Variants in CTNNA2 observed in about 807,000 individuals in gnomAD.
CTNNA2 encodes the protein catenin alpha 2.
In CTNNA2, 42 loss-of-function variants were observed where a neutral mutation model predicts 101.0. The observed-to-expected ratio is 0.42, with a 90% CI of 0.32 to 0.54. The LOEUF is 0.54. CTNNA2 is among the 20% of genes least tolerant of loss of function. The pLI is 0.14. For missense variants in CTNNA2, 871 were observed against 1,223.1 expected, an observed-to-expected ratio of 0.71 and a Z score of 4.29; for synonymous variants, 450 against 456.4, an observed-to-expected ratio of 0.99 and a Z score of 0.18.
At position 79,445,739 on chromosome 2, in the gene CTNNA2, C is replaced by T. The variant is rs113662415; in HGVS notation, c.-134-59315C>T. Among the ~76,000 whole-genome samples, 730 of 152,204 alleles carry T rather than the reference C, an allele frequency of 4.8e-3. 7 individuals carry two copies. Among genetic ancestry groups the T allele is most frequent in the African/African-American group, 0.016 (670 of 41,538 alleles). Reference sequence around the variant, plus strand: ...CCTTGCCCATGATTGTACCTGCCCCCATAGCCCCTTTCACAACTCCTGTGT... The same window carrying T: ...CCTTGCCCATGATTGTACCTGCCCCTATAGCCCCTTTCACAACTCCTGTGT... On this transcript the variant is annotated intron_variant, in intron 4 of 21. Transcript: ENST00000466387.
At chr2:80,438,221 C>T (rs1001873900) in intron 9 of CTNNA2, among the ~76,000 whole-genome samples, 3 of 152,122 alleles carry the variant, frequency 2.0e-5, no homozygotes, top group Admixed American at 6.5e-5. Flanking sequence ...TCTCCTCCTG[C>T]GTCCAGTTTT....
At chr2:80,487,710 A>G in intron 9 of CTNNA2, among the ~76,000 whole-genome samples, 1 of 152,170 alleles carries the variant, frequency 6.6e-6, no homozygotes, top group East Asian at 1.9e-4. Context: ...TCAATAGTAT[A>G]ATTTATGTAA....
intron 7 of CTNNA2, among the ~76,000 whole-genome samples, chr2:80,259,490 A>G (rs893058902): frequency 6.6e-6 from 1 of 152,166 alleles, no homozygotes; most frequent in Non-Finnish European, 1.5e-5. Flanking sequence ...GAGCTGTCAT[A>G]TATCCCTCTT....
chr2:79,413,737 A>AT (rs1678444124), intron 4 of CTNNA2, among the ~76,000 whole-genome samples: 1 of 151,720 alleles, frequency 6.6e-6, no homozygotes, highest in African/African-American at 2.4e-5. Context: ...CATTTTTCAT[A>AT]TTTTTGATAA....
intron 9 of CTNNA2, among the ~76,000 whole-genome samples, chr2:80,520,816 G>A (rs907508933): frequency 2.0e-5 from 3 of 152,092 alleles, no homozygotes; most frequent in African/African-American, 7.2e-5. Context: ...ACATTGATTC[G>A]GTGAAAAGCT....
chr2:80,145,323 G>T (rs1026415306), intron 7 of CTNNA2, among the ~76,000 whole-genome samples: 1 of 152,106 alleles, frequency 6.6e-6, no homozygotes, highest in Non-Finnish European at 1.5e-5. Context: ...TTTCTCCCCA[G>T]TCATTCATCC....
intron 9 of CTNNA2, among the ~76,000 whole-genome samples, chr2:80,429,809 A>T (rs1681323170): frequency 1.3e-5 from 2 of 152,182 alleles, no homozygotes; most frequent in African/African-American, 4.8e-5. Context: ...TGCATCGTTC[A>T]TATCTGTTCA....
chr2:80,099,869 A>C (rs2148838873), intron 7 of CTNNA2, among the ~76,000 whole-genome samples: 1 of 152,120 alleles, frequency 6.6e-6, no homozygotes, highest in East Asian at 1.9e-4. Flanking sequence ...AAATCATATT[A>C]CTGGGCCCGA....
chr2:80,174,231 C>CT (rs1705254309), intron 7 of CTNNA2, among the ~76,000 whole-genome samples: 1 of 152,162 alleles, frequency 6.6e-6, no homozygotes, highest in African/African-American at 2.4e-5. Context: ...ACATACACTG[C>CT]TTTTTTCCAA....
chr2:79,690,617 A>G lies in CTNNA2; in HGVS notation c.102+38959A>G, dbSNP rs185958267. 7.9e-5 allele frequency among the ~76,000 whole-genome samples: 12 copies of G among 152,030 alleles called. No individual in the cohort carries two copies. In the East Asian group the frequency reaches 2.1e-3, roughly 27 times the overall value. On this transcript the variant is annotated intron_variant, in intron 2 of 18. Transcript: ENST00000402739. The stretch of plus-strand genomic sequence containing the variant: ...TAAGCATACGTGTGCATGTGTCTTT[A>G]TAGTAGATCAGCTAGGTATGTATTA...
chr2:79,266,359 T>A (rs146784231), intron 2 of CTNNA2, among the ~76,000 whole-genome samples: 22 of 152,318 alleles, frequency 1.4e-4, no homozygotes, highest in African/African-American at 5.3e-4. Flanking sequence ...ATTTCTACAC[T>A]GGTCCCAGTG....
rs1270358733 is a variant in CTNNA2 at position 80,302,414 on chromosome 2, C to T, written c.1057-90797C>T. The stretch of plus-strand genomic sequence containing the variant: ...CATGGTCTGTTTCTGCTTTTGCTTC[C>T]TGCGCTGCGTGACAAAGCACTGTCT... On this transcript the variant is annotated intron_variant, in intron 7 of 18. Transcript: ENST00000402739. The surrounding 1 kb of genome is among the most constrained non-coding windows in gnomAD (Gnocchi z 6.4). The T allele has an allele frequency of 2.5e-6, 4 of 1,614,140 alleles. No homozygotes were observed. In the African/African-American group the frequency reaches 4.0e-5, roughly 16 times the overall value.
intron 3 of CTNNA2, among the ~76,000 whole-genome samples, chr2:79,780,774 T>C (rs1328665388): frequency 6.6e-6 from 1 of 152,216 alleles, no homozygotes; most frequent in Admixed American, 6.5e-5. Flanking sequence ...GTCTTTCTAC[T>C]TCATAAAATT....
At chr2:80,207,337 A>T (rs1707596439) in intron 7 of CTNNA2, among the ~76,000 whole-genome samples, 1 of 152,218 alleles carries the variant, frequency 6.6e-6, no homozygotes, top group African/African-American at 2.4e-5. Context: ...TAGCAGGGCC[A>T]TTGGCCTCCT....
chr2:80,345,594 T>A (rs1422638428), intron 7 of CTNNA2, among the ~76,000 whole-genome samples: 1 of 152,176 alleles, frequency 6.6e-6, no homozygotes, highest in Non-Finnish European at 1.5e-5. Context: ...GATATTTGTA[T>A]GTTTAGTTCA....
chr2:79,961,989 C>A (rs577086787), intron 7 of CTNNA2, among the ~76,000 whole-genome samples: 1 of 152,330 alleles, frequency 6.6e-6, no homozygotes, highest in African/African-American at 2.4e-5. Flanking sequence ...TGACTGCTAT[C>A]ACATACCTGG....
chr2:79,571,825 AATGCTTTTGGAG>A (rs1333585442), intron 1 of CTNNA2, among the ~76,000 whole-genome samples: 1 of 152,042 alleles, frequency 6.6e-6, no homozygotes, highest in Non-Finnish European at 1.5e-5. Flanking sequence ...TTTCTTGTTC[AATGCTTTTGGAG>A]ATGCTATTTC....
At chr2:79,264,303 G>A (rs1222216324) in intron 2 of CTNNA2, among the ~76,000 whole-genome samples, 1 of 152,100 alleles carries the variant, frequency 6.6e-6, no homozygotes, top group Non-Finnish European at 1.5e-5. Flanking sequence ...TAGTAGAGAT[G>A]ATGCTTTAAG....
At chr2:79,669,392 G>C (rs767551521) in intron 2 of CTNNA2, among the ~76,000 whole-genome samples, 76 of 152,148 alleles carry the variant, frequency 5.0e-4, no homozygotes, top group Non-Finnish European at 9.0e-4. Flanking sequence ...GAGACCTCTG[G>C]GGTGTCGATT....
Sources: gnomAD v4.1 joint callset for allele counts (sites outside exome capture counted in the v4.1 genomes callset) on GRCh38, gnomAD v4.1.1 for gene constraint, Gnocchi (gnomAD v3.1) non-coding constraint, MANE v1.5 for transcripts, NCBI Gene and HGNC (gene_info 2026-07-23, HGNC 2026-07-21) for gene names.